The following NUP54 variants were observed in gnomAD, a reference collection of about 807,000 sequenced individuals.
NUP54 encodes nucleoporin p54.
In NUP54, 27 loss-of-function variants were observed where a neutral mutation model predicts 66.4. That is an observed-to-expected ratio of 0.41 (90% CI 0.30 to 0.56). The LOEUF is 0.56. Ranked by LOEUF, NUP54 falls within the 20% of genes least tolerant of loss-of-function variation. NUP54 has a pLI of 0.34. For synonymous variants in NUP54, 206 were observed against 210.7 expected (o/e 0.98, Z 0.19); for missense variants, 486 against 596.3 (o/e 0.82, Z 1.93).
intron 3 of NUP54, among the ~76,000 whole-genome samples, chr4:76,137,367 T>C (rs1305882552): frequency 6.6e-6 from 1 of 151,770 alleles, no homozygotes; most frequent in East Asian, 1.9e-4. Context: ...AACCTACACA[T>C]GAAAGAATGG....
intron 8 of NUP54, among the ~76,000 whole-genome samples, chr4:76,125,662 G>C (rs1196758468): frequency 2.0e-4 from 7 of 34,322 alleles, no homozygotes; most frequent in Non-Finnish European, 2.8e-4. Flanking sequence ...GAGGGAGAGA[G>C]GGGGAGAGAG....
chr4:76,123,278 A>C (rs1730312134), intron 9 of NUP54, among the ~76,000 whole-genome samples: 1 of 152,242 alleles, frequency 6.6e-6, no homozygotes, highest in Non-Finnish European at 1.5e-5. Flanking sequence ...TGTCTAGAAT[A>C]ATCAAAATAA....
At chr4:76,117,817 C>CTT (rs1730019544) in intron 10 of NUP54, 43 bp from the exon 11 acceptor site, 2 of 1,451,790 alleles carry the variant, frequency 1.4e-6, no homozygotes, top group Non-Finnish European at 1.9e-6. Context: ...CCGACGAAGA[C>CTT]TTGTAAAAGA....
chr4:76,131,078 C>A (rs907643831), intron 7 of NUP54, 152 bp downstream of exon 7: 6 of 643,964 alleles, frequency 9.3e-6, no homozygotes, highest in Non-Finnish European at 1.6e-5. Flanking sequence ...TTGGCTGAAG[C>A]TTTAGCTGGA....
At chr4:76,147,052 G>A (rs1201308694) in intron 1 of NUP54, among the ~76,000 whole-genome samples, 1 of 152,118 alleles carries the variant, frequency 6.6e-6, no homozygotes, top group Non-Finnish European at 1.5e-5. Flanking sequence ...ACTGCTGTTC[G>A]TATAAGACTT....
At position 76,124,775 on chromosome 4, in the gene NUP54, G is replaced by T. The variant is rs767411285; in HGVS notation, c.1057-19C>A. The T allele has an allele frequency of 8.3e-6, 6 of 723,584 alleles. No individual in the cohort carries two copies. Among genetic ancestry groups the T allele is most frequent in the South Asian group, 5.9e-5 (4 of 67,882 alleles). The allele number at this position is 723,584 out of a possible 1,614,324, so 44.8% of individuals were successfully genotyped here. On this transcript the variant is annotated intron_variant, in intron 8 of 11. Transcript: ENST00000264883. The stretch of plus-strand genomic sequence containing the variant: ...ATATGATCTGTTTAAAAAAAAATTG[G>T]GGGGGGGAGGGTTAATCAAATATCA...
chr4:76,138,403 C>G (rs926743416), intron 3 of NUP54, among the ~76,000 whole-genome samples: 5 of 152,166 alleles, frequency 3.3e-5, no homozygotes, highest in Admixed American at 1.3e-4. Flanking sequence ...GCCCTTCTCC[C>G]TTAAATTTCC....
intron 9 of NUP54, among the ~76,000 whole-genome samples, chr4:76,121,317 A>G (rs1730225000): frequency 6.6e-6 from 1 of 152,232 alleles, no homozygotes; most frequent in African/African-American, 2.4e-5. Context: ...CCATGCAGAC[A>G]CTATATTGAT....
At chr4:76,117,950 A>G (rs1041854205) in intron 10 of NUP54, 125 bp downstream of exon 10, 1 of 1,096,410 alleles carries the variant, frequency 9.1e-7, no homozygotes, top group Non-Finnish European at 1.3e-6. Flanking sequence ...TTTACTTTAG[A>G]AAGGAAGTTC....
At chr4:76,129,726 G>A (rs371768013) in intron 8 of NUP54, among the ~76,000 whole-genome samples, 4 of 151,712 alleles carry the variant, frequency 2.6e-5, no homozygotes, top group South Asian at 4.2e-4. Context: ...TTAGCCGGGC[G>A]TGGTGGCAGG....
intron 8 of NUP54, among the ~76,000 whole-genome samples, chr4:76,128,384 A>G (rs1333920979): frequency 6.8e-6 from 1 of 146,344 alleles, no homozygotes; most frequent in Non-Finnish European, 1.5e-5. Flanking sequence ...TAATAGATTA[A>G]AAGGAAATGC....
intron 1 of NUP54, chr4:76,145,816 C>T (rs891936563): frequency 1.2e-5 from 3 of 255,924 alleles, no homozygotes; most frequent in Non-Finnish European, 2.3e-5. Flanking sequence ...ATAGAAAATA[C>T]AAGAAGAAAA....
chr4:76,120,345 C>A (rs907394301), intron 9 of NUP54, among the ~76,000 whole-genome samples: 2 of 151,986 alleles, frequency 1.3e-5, no homozygotes, highest in Admixed American at 6.6e-5. Flanking sequence ...ATCAGAATAC[C>A]CTTTCCCCAC....
At chr4:76,141,059 C>G (rs62300628) in intron 3 of NUP54, among the ~76,000 whole-genome samples, 19,974 of 152,092 alleles carry the variant, frequency 0.13, 1,513 homozygotes, top group East Asian at 0.34. Flanking sequence ...GCGGTTGTCA[C>G]AAAGTCAAAT....
chr4:76,148,386 A>C lies in NUP54; in HGVS notation c.-12T>G. On this transcript the variant is annotated 5_prime_UTR_variant, in exon 1 of 12. Coordinates refer to ENST00000264883, the MANE Select transcript of NUP54 (RefSeq NM_017426.4). ...AAATTGAAGGCCATGTCGCGAAAGC[A>C]GGAGACCAAGTAGGTTACTCCTGCG... The C allele has an allele frequency of 6.6e-7, 1 of 1,521,816 alleles. No individual in the cohort carries two copies. Among genetic ancestry groups the C allele is most frequent in the South Asian group, 1.3e-5 (1 of 77,980 alleles). 94.3% of individuals were successfully genotyped at this position (1,521,816 alleles called of 1,614,324 possible).
rs146917456 is a variant in NUP54 at position 76,119,229 on chromosome 4, T to C, written c.1165-1035A>G. ...ACAATACGAGAATGTAAAAGACAAA[T>C]TTTCTCTCATACCCCCAAGACAAAT... is the stretch of plus-strand genomic sequence containing the variant. On this transcript the variant is annotated intron_variant, in intron 9 of 11. Coordinates refer to ENST00000264883, the MANE Select transcript of NUP54 (RefSeq NM_017426.4). 1.6e-4 allele frequency among the ~76,000 whole-genome samples: 24 copies of C among 152,170 alleles called. No individual in the cohort carries two copies. In the South Asian group the frequency reaches 2.9e-3, roughly 18 times the overall value.
In NUP54 at chr4:76,124,701, T is replaced by C. The variant is rs778145820; in HGVS notation, c.1112A>G (p.Lys371Arg). 5 of 1,607,038 alleles carry C rather than the reference T, an allele frequency of 3.1e-6. No individual in the cohort carries two copies. The highest frequency in any genetic ancestry group is 4.5e-5 in the East Asian group (2 of 44,504). The change falls in exon 9 of 12, where the codon AAA (lysine) becomes AGA (arginine). Residue 371 changes from lysine (K) to arginine (R), a missense_variant. This residue lies in a region of NUP54 where 217 missense variants were observed against 247.9 expected (regional missense o/e 0.88). Coordinates refer to ENST00000264883, the MANE Select transcript of NUP54 (RefSeq NM_017426.4). ...LQKNQTTSVAKIAQYKRKLMD... is the reference protein window; with the variant it reads ...LQKNQTTSVARIAQYKRKLMD... ...GAGTTTCCTCTTGTATTGTGCAATTTTGGCTACAGATGTAGTTTGATTCTT... is the reference window on the plus strand; with the variant it reads ...GAGTTTCCTCTTGTATTGTGCAATTCTGGCTACAGATGTAGTTTGATTCTT...
intron 1 of NUP54, chr4:76,147,875 A>G (rs1349030283): frequency 6.2e-6 from 2 of 324,066 alleles, no homozygotes; most frequent in Non-Finnish European, 1.2e-5. Context: ...GAACTAAGGG[A>G]GTCAATGGGC....
chr4:76,131,287 A>G lies in NUP54; in HGVS notation c.908-3T>C. The G allele has an allele frequency of 1.3e-6, 2 of 1,558,148 alleles. No individual in the cohort carries two copies. Among genetic ancestry groups the G allele is most frequent in the South Asian group, 2.4e-5 (2 of 84,128 alleles). On this transcript the variant is annotated splice_region_variant and splice_polypyrimidine_tract_variant and intron_variant, in intron 6 of 11. Coordinates refer to ENST00000264883, the MANE Select transcript of NUP54 (RefSeq NM_017426.4). ...TTCCCAGATAATAGGATCAACACCTACCACAAATAAAAAATATTTTTTCTA... is the reference window on the plus strand; with the variant it reads ...TTCCCAGATAATAGGATCAACACCTGCCACAAATAAAAAATATTTTTTCTA...
Sources: allele counts gnomAD v4.1 joint callset (sites outside exome capture counted in the v4.1 genomes callset), GRCh38; gene constraint gnomAD v4.1.1; regional missense constraint gnomAD v4.1.1; transcripts MANE v1.5; gene names NCBI Gene and HGNC (gene_info 2026-07-23, HGNC 2026-07-21).